Variants in PAPPA2 observed in about 807,000 individuals in gnomAD.
PAPPA2 encodes pappalysin-2.
A neutral mutation model predicts 176.4 loss-of-function variants in PAPPA2; 86 were observed. The ratio of observed to expected loss-of-function variants is 0.49; its 90% CI spans 0.41 to 0.58. The LOEUF (loss-of-function observed/expected upper bound fraction) is 0.58, where lower values mean the gene tolerates loss of function less well. PAPPA2 is among the 20% of genes least tolerant of loss of function. The pLI, the probability that PAPPA2 is intolerant of heterozygous loss-of-function variation, is 0.00. For missense variants in PAPPA2, 2,073 were observed against 2,256.9 expected (o/e 0.92, Z 1.65); for synonymous variants, 809 against 852.2 (o/e 0.95, Z 0.88).
At chr1:176,747,799 G>A (rs1221361462) in intron 14 of PAPPA2, among the ~76,000 whole-genome samples, 2 of 152,180 alleles carry the variant, frequency 1.3e-5, no homozygotes, top group African/African-American at 2.4e-5. Context: ...ATGTGTTCTC[G>A]TTTGAAGGCT....
intron 15 of PAPPA2, among the ~76,000 whole-genome samples, chr1:176,767,639 C>T (rs901743860): frequency 2.6e-5 from 4 of 152,160 alleles, no homozygotes; most frequent in African/African-American, 9.7e-5. Flanking sequence ...AGCCACTGCC[C>T]CCAGCCTTGA....
Position 176,794,969 on chromosome 1 carries a change from G to A in PAPPA2, c.5130+1300G>A, listed in dbSNP as rs191207749. On this transcript the variant is annotated intron_variant, in intron 20 of 22. Transcript: ENST00000367662. ...TATGTCTGCCAGCCAAGGTGATTGAGCAGTGGGACCTGGCAGTTGCGACAG... is the reference window on the plus strand; with the variant it reads ...TATGTCTGCCAGCCAAGGTGATTGAACAGTGGGACCTGGCAGTTGCGACAG... Among the ~76,000 whole-genome samples the A allele has an allele frequency of 2.6e-5, 4 of 152,296 alleles. No homozygotes were observed. In the East Asian group the frequency reaches 7.7e-4, roughly 29 times the overall value.
intron 3 of PAPPA2, among the ~76,000 whole-genome samples, chr1:176,665,408 G>A (rs1442568070): frequency 6.6e-6 from 1 of 152,104 alleles, no homozygotes; most frequent in African/African-American, 2.4e-5. Flanking sequence ...CTGGGGAAAA[G>A]CTGGCCTTAG....
chr1:176,470,865 G>T (rs1222591883), intron 1 of PAPPA2, among the ~76,000 whole-genome samples: 1 of 98,200 alleles, frequency 1.0e-5, no homozygotes. Context: ...CTTTGGGTCA[G>T]TGGATTTTTT....
At chr1:176,568,989 C>G (rs930901617) in intron 2 of PAPPA2, among the ~76,000 whole-genome samples, 2 of 152,158 alleles carry the variant, frequency 1.3e-5, no homozygotes, top group Non-Finnish European at 2.9e-5. Context: ...TCATATGAGA[C>G]CCTACTTACC....
In PAPPA2 at chr1:176,819,136, T is replaced by C. The variant is rs917210630; in HGVS notation, c.5202+19004T>C. 5.9e-5 allele frequency among the ~76,000 whole-genome samples: 9 copies of C among 152,234 alleles called. No individual in the cohort carries two copies. The South Asian group carries it at 1.9e-3, about 32-fold the overall frequency. On this transcript the variant is annotated intron_variant, in intron 21 of 22. Transcript: ENST00000367662. ...TGGTCAATAGTTTTTGAGTGAATGA[T>C]GGAGGTAAGAAGTTAAGGGCATCCA...
chr1:176,589,503 G>T (rs1653524469), intron 2 of PAPPA2, among the ~76,000 whole-genome samples: 1 of 152,198 alleles, frequency 6.6e-6, no homozygotes, highest in Admixed American at 6.5e-5. Flanking sequence ...AAATATATAT[G>T]ATGGAAGCCA....
chr1:176,649,501 A>T (rs897816018), intron 3 of PAPPA2, among the ~76,000 whole-genome samples: 13 of 150,728 alleles, frequency 8.6e-5, no homozygotes, highest in African/African-American at 3.2e-4. Flanking sequence ...CTTGAGGTGC[A>T]CCATTAGCTT....
At chr1:176,822,236 C>T (rs539955192) in intron 21 of PAPPA2, among the ~76,000 whole-genome samples, 1 of 152,262 alleles carries the variant, frequency 6.6e-6, no homozygotes. Context: ...CTGGGTGTCA[C>T]CTCCTAGTTG....
chr1:176,672,962 A>G (rs887818355), intron 4 of PAPPA2, among the ~76,000 whole-genome samples: 5 of 152,188 alleles, frequency 3.3e-5, no homozygotes, highest in African/African-American at 9.6e-5. Flanking sequence ...TTCCTCAAGT[A>G]AGGACCTGAT....
chr1:176,678,563 C>A (rs1247072664), intron 4 of PAPPA2, among the ~76,000 whole-genome samples: 2 of 151,236 alleles, frequency 1.3e-5, no homozygotes, highest in African/African-American at 4.9e-5. Flanking sequence ...GCCTGTTTTT[C>A]TTTTTGTAAT....
At chr1:176,784,774 A>G (rs1664859704) in intron 17 of PAPPA2, among the ~76,000 whole-genome samples, 1 of 151,806 alleles carries the variant, frequency 6.6e-6, no homozygotes, top group Non-Finnish European at 1.5e-5. Context: ...TTTAGTAGAG[A>G]TGGGGGTTTC....
intron 21 of PAPPA2, among the ~76,000 whole-genome samples, chr1:176,834,767 C>T (rs961874765): frequency 3.3e-5 from 5 of 152,132 alleles, no homozygotes; most frequent in Non-Finnish European, 4.4e-5. Flanking sequence ...GTCAGGAGTT[C>T]GAGACCAGCC....
intron 4 of PAPPA2, among the ~76,000 whole-genome samples, chr1:176,688,050 G>A (rs1314566348): frequency 1.3e-5 from 2 of 152,004 alleles, no homozygotes; most frequent in Non-Finnish European, 2.9e-5. Flanking sequence ...AACACAATTT[G>A]GGAAAAAAAC....
intron 5 of PAPPA2, 114 bp downstream of exon 5, chr1:176,690,544 G>A (rs1054180814): frequency 1.7e-5 from 26 of 1,508,390 alleles, no homozygotes; most frequent in South Asian, 4.1e-5. Context: ...CATTTGTGTC[G>A]GAGAGTTGAA....
At chr1:176,657,528 C>G (rs1361583137) in intron 3 of PAPPA2, among the ~76,000 whole-genome samples, 2 of 151,950 alleles carry the variant, frequency 1.3e-5, no homozygotes, top group African/African-American at 4.8e-5. Flanking sequence ...GAGAAGCTTA[C>G]TAGAAGGGTG....
At chr1:176,777,195 G>A (rs1036741757) in intron 17 of PAPPA2, among the ~76,000 whole-genome samples, 4 of 152,224 alleles carry the variant, frequency 2.6e-5, no homozygotes, top group Admixed American at 1.3e-4. Flanking sequence ...ACATCATTGC[G>A]AGAAGTGGTA....
At chr1:176,828,314 C>A (rs1010384120) in intron 21 of PAPPA2, among the ~76,000 whole-genome samples, 14 of 152,076 alleles carry the variant, frequency 9.2e-5, no homozygotes, top group African/African-American at 2.9e-4. Flanking sequence ...GTAGTACACA[C>A]CACACACCTA....
intron 1 of PAPPA2, among the ~76,000 whole-genome samples, chr1:176,514,271 G>A (rs749489490): frequency 7.9e-5 from 12 of 151,992 alleles, no homozygotes; most frequent in Middle Eastern, 3.4e-3. Flanking sequence ...GAGAGGAGGC[G>A]GTGTCAGACT....
Sources: allele counts gnomAD v4.1 joint callset (sites outside exome capture counted in the v4.1 genomes callset), GRCh38; gene constraint gnomAD v4.1.1; transcripts MANE v1.5; gene names NCBI Gene and HGNC (gene_info 2026-07-23, HGNC 2026-07-21).